The following PTPN4 variants were observed in gnomAD, a reference collection of about 807,000 sequenced individuals.
PTPN4 encodes protein tyrosine phosphatase non-receptor type 4, also known as tyrosine-protein phosphatase non-receptor type 4.
A neutral mutation model predicts 135.5 loss-of-function variants in PTPN4; 49 were observed. That is an observed-to-expected ratio of 0.36 (90% CI 0.29 to 0.46). The LOEUF (loss-of-function observed/expected upper bound fraction) is 0.46, where lower values mean the gene tolerates loss of function less well. Among genes scored for constraint, PTPN4 ranks in the 20% least tolerant of loss-of-function variants. PTPN4 has a pLI of 1.00. For missense variants in PTPN4, 860 were observed against 1,101.0 expected (o/e 0.78, Z 3.10); for synonymous variants, 333 against 369.9 (o/e 0.90, Z 1.14).
intron 1 of PTPN4, among the ~76,000 whole-genome samples, chr2:119,799,913 A>G (rs1691331281): frequency 6.6e-6 from 1 of 152,214 alleles, no homozygotes; most frequent in South Asian, 2.1e-4. Flanking sequence ...GTAGTTTGCA[A>G]AATAAAAATG....
chr2:119,852,458 G>T (rs1369588405), intron 2 of PTPN4, among the ~76,000 whole-genome samples: 1 of 152,194 alleles, frequency 6.6e-6, no homozygotes, highest in Admixed American at 6.5e-5. Flanking sequence ...TTCTGTTTAG[G>T]TGCGGGTTTC....
At chr2:119,768,709 T>G (rs1690682042) in intron 1 of PTPN4, among the ~76,000 whole-genome samples, 1 of 152,178 alleles carries the variant, frequency 6.6e-6, no homozygotes, top group African/African-American at 2.4e-5. Flanking sequence ...GTCTCCTTTC[T>G]CCTTGCTTGC....
intron 3 of PTPN4, among the ~76,000 whole-genome samples, chr2:119,871,975 G>A (rs1195757816): frequency 5.3e-5 from 8 of 152,104 alleles, no homozygotes; most frequent in African/African-American, 1.9e-4. Context: ...TAAATCACCT[G>A]ATTTTATAAT....
intron 15 of PTPN4, among the ~76,000 whole-genome samples, chr2:119,937,466 G>A (rs1032855638): frequency 3.3e-5 from 5 of 152,074 alleles, no homozygotes; most frequent in African/African-American, 9.7e-5. Context: ...TAAAGTAAAG[G>A]AGACCACAGT....
intron 1 of PTPN4, among the ~76,000 whole-genome samples, chr2:119,766,443 TGCGC>T (rs145798313): frequency 1.8e-5 from 2 of 109,766 alleles, no homozygotes; most frequent in South Asian, 3.3e-4. Context: ...TATGCGCATG[TGCGC>T]GCGTGTGTGT....
chr2:119,908,684 A>G (rs1305069609), intron 10 of PTPN4, among the ~76,000 whole-genome samples: 1 of 152,186 alleles, frequency 6.6e-6, no homozygotes, highest in African/African-American at 2.4e-5. Context: ...AGTGCAAGGA[A>G]GAGTTGCACT....
intron 9 of PTPN4, among the ~76,000 whole-genome samples, chr2:119,899,209 C>T (rs1390174097): frequency 6.6e-6 from 1 of 152,178 alleles, no homozygotes; most frequent in African/African-American, 2.4e-5. Flanking sequence ...CTGTTTTAGA[C>T]AGGCTTCACA....
chr2:119,931,054 A>C (rs1678898467), intron 13 of PTPN4, among the ~76,000 whole-genome samples: 2 of 152,148 alleles, frequency 1.3e-5, no homozygotes, highest in African/African-American at 4.8e-5. Flanking sequence ...ATTTCTACCT[A>C]AATTTTTATG....
rs116719978 is a variant in PTPN4, at chr2:119,953,129, T to G, written c.1813+1000T>G. On this transcript the variant is annotated intron_variant, in intron 19 of 26. Coordinates refer to ENST00000263708, the MANE Select transcript of PTPN4 (RefSeq NM_002830.4). ...TTCCCTCAACACTTTATCAGTCTGC[T>G]CTAAGAAAAAAGTTTTATATGTCTA... Among the ~76,000 whole-genome samples, 546 of 152,294 alleles carry G rather than the reference T, an allele frequency of 3.6e-3. 3 individuals are homozygous for G. The highest frequency in any genetic ancestry group is 0.013 in the African/African-American group (521 of 41,572).
intron 7 of PTPN4, 103 bp from the exon 8 acceptor site, chr2:119,882,400 A>G (rs558161466): frequency 3.8e-5 from 45 of 1,182,454 alleles, no homozygotes; most frequent in Non-Finnish European, 5.3e-5. Flanking sequence ...TTAGAAACAT[A>G]AGTATTTTAC....
chr2:119,961,884 G>T (rs1679371382), intron 23 of PTPN4, among the ~76,000 whole-genome samples: 1 of 152,150 alleles, frequency 6.6e-6, no homozygotes, highest in African/African-American at 2.4e-5. Flanking sequence ...CTGGGGTAAG[G>T]ATGGGGGAAC....
chr2:119,980,488 G>A lies in PTPN4; in HGVS notation c.*3418G>A, dbSNP rs868326525. The A allele has an allele frequency of 1.3e-5, 2 of 151,802 alleles. No individual in the cohort carries two copies. The highest frequency in any genetic ancestry group is 4.8e-5 in the African/African-American group (2 of 41,358). 9.4% of individuals were successfully genotyped at this position (151,802 alleles called of 1,614,324 possible). A position where few individuals can be genotyped will look rare whatever the true frequency, so the allele number is the denominator to read the frequency against. On this transcript the variant is annotated 3_prime_UTR_variant, in exon 27 of 27. Transcript: ENST00000263708. ...CCATTTTTATCGGCATTAGGAAATA[G>A]GGTTCAGCAATGGTTATTGATTTAG... is the stretch of plus-strand genomic sequence containing the variant.
intron 2 of PTPN4, among the ~76,000 whole-genome samples, chr2:119,826,265 A>G (rs1432358334): frequency 1.3e-5 from 2 of 152,244 alleles, no homozygotes; most frequent in Non-Finnish European, 2.9e-5. Flanking sequence ...ATCAAAATCC[A>G]TGTTAAAACC....
intron 2 of PTPN4, among the ~76,000 whole-genome samples, chr2:119,841,605 C>G (rs1677382695): frequency 6.6e-6 from 1 of 152,104 alleles, no homozygotes; most frequent in African/African-American, 2.4e-5. Flanking sequence ...GTTGCTAGCT[C>G]AAAAGGATTT....
At chr2:119,826,428 T>C (rs1411561984) in intron 2 of PTPN4, among the ~76,000 whole-genome samples, 1 of 152,228 alleles carries the variant, frequency 6.6e-6, no homozygotes, top group East Asian at 1.9e-4. Flanking sequence ...CTAAAGGAAC[T>C]GTAAACTCTA....
chr2:119,851,202 C>T (rs1413644394), intron 2 of PTPN4, among the ~76,000 whole-genome samples: 2 of 152,158 alleles, frequency 1.3e-5, no homozygotes, highest in African/African-American at 2.4e-5. Context: ...TGCTTTGAAA[C>T]TGTTGTTACC....
chr2:119,886,063 G>A (rs925874515), intron 9 of PTPN4, among the ~76,000 whole-genome samples, 181 bp downstream of exon 9: 1 of 152,150 alleles, frequency 6.6e-6, no homozygotes, highest in East Asian at 1.9e-4. Flanking sequence ...CGAATGTGAA[G>A]GATGGTTAAT....
chr2:119,824,505 GT>G (rs1677117551), intron 2 of PTPN4, among the ~76,000 whole-genome samples: 1 of 152,040 alleles, frequency 6.6e-6, no homozygotes, highest in Non-Finnish European at 1.5e-5. Context: ...TTTTAACTTT[GT>G]TCTATCAATT....
chr2:119,922,218 TAAAAAAAAAAAA>T (rs34480531), intron 12 of PTPN4, among the ~76,000 whole-genome samples: 4 of 120,876 alleles, frequency 3.3e-5, no homozygotes, highest in African/African-American at 1.2e-4. Context: ...CAATCTGATT[TAAAAAAAAAAAA>T]AAAAAAAAAA....
Sources: allele counts gnomAD v4.1 joint callset (sites outside exome capture counted in the v4.1 genomes callset), GRCh38; gene constraint gnomAD v4.1.1; transcripts MANE v1.5; gene names NCBI Gene and HGNC (gene_info 2026-07-23, HGNC 2026-07-21).